The following GOLGB1 variants were observed in gnomAD, a reference collection of about 807,000 sequenced individuals.
GOLGB1 encodes golgin B1.
In GOLGB1, 174 loss-of-function variants were observed where a neutral mutation model predicts 336.9. The observed-to-expected ratio is 0.52, with a 90% CI of 0.46 to 0.59. The LOEUF is 0.59. GOLGB1 is among the 20% of genes least tolerant of loss of function. GOLGB1 has a pLI of 0.00. For missense variants in GOLGB1, 3,331 were observed against 3,645.3 expected (o/e 0.91, Z 2.22); for synonymous variants, 1,208 against 1,289.2 (o/e 0.94, Z 1.35).
intron 1 of GOLGB1, among the ~76,000 whole-genome samples, chr3:121,737,759 A>C (rs976055099): frequency 1.3e-4 from 20 of 152,162 alleles, no homozygotes; most frequent in African/African-American, 4.8e-4. Flanking sequence ...GGGGATAATA[A>C]TAGTGTTTAG....
At chr3:121,707,479 A>G (rs1050220763) in intron 10 of GOLGB1, among the ~76,000 whole-genome samples, 2 of 151,726 alleles carry the variant, frequency 1.3e-5, no homozygotes, top group Non-Finnish European at 2.9e-5. Context: ...CAAAAAAAAA[A>G]AAAATTAGCT....
intron 12 of GOLGB1, 52 bp downstream of exon 12, chr3:121,699,760 C>T (rs368691730): frequency 7.6e-6 from 8 of 1,050,798 alleles, no homozygotes; most frequent in Non-Finnish European, 1.0e-5. Context: ...TATGAAGCTA[C>T]CTTCTCTTAA....
chr3:121,694,020 T>C lies in GOLGB1; in HGVS notation c.6503A>G (p.Gln2168Arg), dbSNP rs780203366. The change falls in exon 13 of 22, where the codon CAG becomes CGG. Residue 2168 changes from glutamine to arginine, a missense_variant. Physicochemically the swap from Gln to Arg is conservative, Grantham distance 43. Coordinates refer to ENST00000614479, the MANE Select transcript of GOLGB1 (RefSeq NM_001366282.2). ...VHLEETIGEI[Q>R]VTLNKKDKEV... ...CTTGTCTTTCTTGTTCAAAGTAACC[T>C]GAATCTCTCCAATTGTCTCTTCCAA... The C allele has an allele frequency of 1.9e-6, 3 of 1,614,098 alleles. No homozygotes were observed. Among genetic ancestry groups the C allele is most frequent in the South Asian group, 2.2e-5 (2 of 91,078 alleles).
chr3:121,729,386 C>T, intron 3 of GOLGB1, 46 bp from the exon 4 acceptor site: 1 of 1,440,234 alleles, frequency 6.9e-7, no homozygotes, highest in Non-Finnish European at 9.7e-7. Flanking sequence ...TTATTCCCCT[C>T]TTATCTAGCA....
In GOLGB1 at chr3:121,696,745, C is replaced by T; in HGVS notation, c.3778G>A (p.Glu1260Lys). 1 of 1,614,056 alleles carries T rather than the reference C, an allele frequency of 6.2e-7. No individual in the cohort carries two copies. The highest frequency in any genetic ancestry group is 1.1e-5 in the South Asian group (1 of 91,074). ...DGKLPSTDQQ[E>K]SCSSTPGLEE... ...AAACCTGGAGTGGAAGAACACGATT[C>T]CTGCTGGTCTGTGCTTGGGAGTTTT... The change falls in exon 13 of 22, where the codon GAA becomes AAA. Residue 1260 changes from glutamate to lysine, a missense_variant. Coordinates refer to ENST00000614479, the MANE Select transcript of GOLGB1 (RefSeq NM_001366282.2).
chr3:121,692,217 T>G lies in GOLGB1; in HGVS notation c.7147A>C (p.Asn2383His). ...CTTATAATCTTTTGCTCTTTCATAT[T>G]TATTTCTTCATGCAGCCTACTGGTC... ...ELTSRLHEEINMKEQKIISLL... is the reference protein window; with the variant it reads ...ELTSRLHEEIHMKEQKIISLL... Residue 2383 changes from asparagine (N) to histidine (H), a missense_variant, in exon 14 of 22, where the codon AAT becomes CAT. By Grantham distance (68) the Asn-to-His change is moderately conservative (BLOSUM62 1). Coordinates refer to ENST00000614479, the MANE Select transcript of GOLGB1 (RefSeq NM_001366282.2). 1.3e-6 allele frequency: 2 copies of G among 1,598,128 alleles called. No individual in the cohort carries two copies. The highest frequency in any genetic ancestry group is 8.5e-7 in the Non-Finnish European group (1 of 1,175,358).
At chr3:121,686,078 T>C (rs779299921) in intron 14 of GOLGB1, among the ~76,000 whole-genome samples, 4 of 152,164 alleles carry the variant, frequency 2.6e-5, no homozygotes, top group Non-Finnish European at 4.4e-5. Flanking sequence ...AAGGGACAGC[T>C]AAATAAAAAC....
chr3:121,715,763 C>T lies in GOLGB1; in HGVS notation c.1289-787G>A, dbSNP rs1274697524. Among the ~76,000 whole-genome samples the T allele has an allele frequency of 1.6e-4, 24 of 152,030 alleles. No homozygotes were observed. The East Asian group carries it at 4.3e-3, about 27-fold the overall frequency. ...ATCCCAGCACTTTGGGATGCCGAGG[C>T]GGGCAGATCACCTGAGGTCAGGAGT... is the stretch of plus-strand genomic sequence containing the variant. On this transcript the variant is annotated intron_variant, in intron 9 of 21. Coordinates refer to ENST00000614479, the MANE Select transcript of GOLGB1 (RefSeq NM_001366282.2).
At chr3:121,742,580 A>C (rs909167043) in intron 1 of GOLGB1, among the ~76,000 whole-genome samples, 2 of 152,212 alleles carry the variant, frequency 1.3e-5, no homozygotes, top group Admixed American at 1.3e-4. Flanking sequence ...TGACTAAAAC[A>C]CCAAAAGCAA....
chr3:121,693,591 C>CA (rs536520107), intron 13 of GOLGB1, 150 bp downstream of exon 13: 175 of 617,598 alleles, frequency 2.8e-4, no homozygotes, highest in African/African-American at 2.0e-3. Context: ...TGTTGTTTGC[C>CA]AAAAAAAAGT....
chr3:121,680,341 C>T (rs1344943776), intron 15 of GOLGB1, among the ~76,000 whole-genome samples: 1 of 152,168 alleles, frequency 6.6e-6, no homozygotes, highest in Admixed American at 6.5e-5. Flanking sequence ...AAAACCACAA[C>T]TTGATTAAGA....
At chr3:121,699,558 T>C (rs567150712) in intron 12 of GOLGB1, among the ~76,000 whole-genome samples, 95 of 152,206 alleles carry the variant, frequency 6.2e-4, no homozygotes, top group Middle Eastern at 3.4e-3. Context: ...TAACCCAGTA[T>C]AAAAAAATGT....
intron 11 of GOLGB1, among the ~76,000 whole-genome samples, chr3:121,702,124 T>C (rs1943466182): frequency 6.6e-6 from 1 of 152,130 alleles, no homozygotes; most frequent in Admixed American, 6.5e-5. Context: ...ATCCCACAAA[T>C]TTATTACCAG....
chr3:121,694,535 CA>C lies in GOLGB1; in HGVS notation c.5987del (p.Leu1996TrpfsTer24), dbSNP rs766769658. ...CTTTCTGAGCACCTTGTATTTTCTCCAAATATTCCTTTCGTATTTCTGATTC... is the reference window on the plus strand; with the variant it reads ...CTTTCTGAGCACCTTGTATTTTCTCCAATATTCCTTTCGTATTTCTGATTC... ...KVESEIRKEY[L>X]EKIQGAQKEP... On this transcript the variant is annotated frameshift_variant, in exon 13 of 22. Transcript: ENST00000614479. LOFTEE classifies it high-confidence loss of function. The C allele has an allele frequency of 2.5e-6, 4 of 1,612,510 alleles. No homozygotes were observed. The South Asian group carries it at 4.4e-5, about 18-fold the overall frequency.
At chr3:121,745,454 G>T (rs1172857754) in intron 1 of GOLGB1, among the ~76,000 whole-genome samples, 7 of 119,730 alleles carry the variant, frequency 5.8e-5, no homozygotes, top group Admixed American at 3.5e-4. Context: ...ATGTACACGT[G>T]TATGTATATA....
intron 5 of GOLGB1, 64 bp from the exon 6 acceptor site, chr3:121,722,442 T>C: frequency 1.2e-6 from 1 of 840,836 alleles, no homozygotes; most frequent in South Asian, 1.4e-5. Context: ...GCATTATTAA[T>C]TCTTTGACCT....
At position 121,722,291 on chromosome 3, in the gene GOLGB1, T is replaced by C; in HGVS notation, c.619A>G (p.Ser207Gly). 6.2e-7 allele frequency: 1 copy of C among 1,609,782 alleles called. No individual in the cohort carries two copies. The highest frequency in any genetic ancestry group is 8.5e-7 in the Non-Finnish European group (1 of 1,176,056). Residue 207 changes from serine (S) to glycine (G), a missense_variant, in exon 6 of 22, where the codon AGC (serine) becomes GGC (glycine). By Grantham distance (56) the Ser-to-Gly change is moderately conservative. Transcript: ENST00000614479. The part of the protein sequence containing the change: ...EFISTLQAQL[S>G]QTQAEQAAQL... ...GCAGCTTGCTCTGCCTGTGTCTGGCTGAGCTGGGCTTGTAAAGTGCTAATG... is the reference window on the plus strand; with the variant it reads ...GCAGCTTGCTCTGCCTGTGTCTGGCCGAGCTGGGCTTGTAAAGTGCTAATG...
intron 11 of GOLGB1, 78 bp downstream of exon 11, chr3:121,702,403 T>TTA (rs1943484254): frequency 3.8e-6 from 2 of 522,942 alleles, no homozygotes; most frequent in Non-Finnish European, 6.7e-6. Flanking sequence ...ATTCTACATG[T>TTA]TATACATAAT....
Position 121,698,553 on chromosome 3 carries a change from A to T in GOLGB1, c.1970T>A (p.Ile657Lys). 6.2e-7 allele frequency: 1 copy of T among 1,613,838 alleles called. No individual in the cohort carries two copies. Among genetic ancestry groups the T allele is most frequent in the Non-Finnish European group, 8.5e-7 (1 of 1,179,872 alleles). The change falls in exon 13 of 22, where the codon ATA becomes AAA. Residue 657 changes from isoleucine to lysine, a missense_variant. Coordinates refer to ENST00000614479, the MANE Select transcript of GOLGB1 (RefSeq NM_001366282.2). ...TTCTACTCCAGCATCATTTAAAGAT[A>T]TTTCCTCAGATGTTCTACTTTGATG... ...TEHQSRTSEE[I>K]SLNDAGVELK...
Sources: allele counts gnomAD v4.1 joint callset (sites outside exome capture counted in the v4.1 genomes callset), GRCh38; gene constraint gnomAD v4.1.1; transcripts MANE v1.5; gene names NCBI Gene and HGNC (gene_info 2026-07-23, HGNC 2026-07-21).